MDGA2: variants seen among roughly 807,000 people sequenced by gnomAD.
MDGA2 encodes the protein MAM domain-containing glycosylphosphatidylinositol anchor protein 2.
Under a neutral mutation model 117.8 loss-of-function variants are expected in MDGA2, and 40 were observed. That is an observed-to-expected ratio of 0.34 (90% confidence interval 0.26 to 0.44). The LOEUF (loss-of-function observed/expected upper bound fraction) is 0.44. MDGA2 is among the 20% of genes least tolerant of loss of function. MDGA2 has a pLI of 1.00. For missense variants in MDGA2, 1,123 were observed against 1,250.6 expected (o/e 0.90, Z 1.54); for synonymous variants, 452 against 439.0 (o/e 1.03, Z -0.37).
At chr14:47,177,490 T>C (rs990621897) in intron 3 of MDGA2, among the ~76,000 whole-genome samples, 1 of 152,210 alleles carries the variant, frequency 6.6e-6, no homozygotes, top group Admixed American at 6.5e-5. Context: ...GATGAGTTCA[T>C]GTCCTTTGTA....
At chr14:47,660,527 G>A (rs1594968373) in intron 1 of MDGA2, among the ~76,000 whole-genome samples, 1 of 152,184 alleles carries the variant, frequency 6.6e-6, no homozygotes, top group Admixed American at 6.5e-5. Flanking sequence ...TAAGAGAAGG[G>A]CAGAGCTCGC....
At chr14:47,083,328 G>A (rs1890775371) in intron 6 of MDGA2, among the ~76,000 whole-genome samples, 1 of 151,824 alleles carries the variant, frequency 6.6e-6, no homozygotes. Context: ...ATACAGCTAG[G>A]GCCTAGGGGG....
chr14:47,037,182 G>A (rs1316832443), intron 7 of MDGA2, among the ~76,000 whole-genome samples: 2 of 152,156 alleles, frequency 1.3e-5, no homozygotes, highest in East Asian at 1.9e-4. Context: ...CACCCTCCAT[G>A]GGAAAGGGTG....
chr14:47,397,634 T>A (rs192699565), intron 1 of MDGA2, among the ~76,000 whole-genome samples: 1 of 152,252 alleles, frequency 6.6e-6, no homozygotes, highest in East Asian at 1.9e-4. Context: ...TCTTTATAGA[T>A]CAATAGATAA....
intron 1 of MDGA2, among the ~76,000 whole-genome samples, chr14:47,383,479 G>C: frequency 6.6e-6 from 1 of 152,114 alleles, no homozygotes; most frequent in East Asian, 1.9e-4. Flanking sequence ...ATAAAATTCT[G>C]TGTGGAAAGT....
chr14:47,359,369 G>A (rs61993125), intron 1 of MDGA2, among the ~76,000 whole-genome samples: 15,486 of 151,202 alleles, frequency 0.1, 919 homozygotes, highest in Middle Eastern at 0.15. Flanking sequence ...AAACAAACAA[G>A]CAAACAAACA....
At chr14:47,353,214 T>A (rs1460306643) in intron 1 of MDGA2, among the ~76,000 whole-genome samples, 1 of 152,270 alleles carries the variant, frequency 6.6e-6, no homozygotes, top group Non-Finnish European at 1.5e-5. Flanking sequence ...ATCTTAAATC[T>A]CCACCCAGGG....
intron 14 of MDGA2, among the ~76,000 whole-genome samples, chr14:46,872,489 G>A (rs539283214): frequency 6.6e-6 from 1 of 151,896 alleles, no homozygotes; most frequent in African/African-American, 2.4e-5. Flanking sequence ...CAAGCTCTAT[G>A]GGGTTAGATA....
At chr14:46,986,574 T>C (rs777746565) in intron 8 of MDGA2, among the ~76,000 whole-genome samples, 1 of 152,128 alleles carries the variant, frequency 6.6e-6, no homozygotes, top group Non-Finnish European at 1.5e-5. Flanking sequence ...TTAACTCTGC[T>C]GGATTCCAGA....
At chr14:47,301,280 C>T in intron 2 of MDGA2, 131 bp downstream of exon 2, 1 of 872,864 alleles carries the variant, frequency 1.1e-6, no homozygotes, top group South Asian at 1.8e-5. Context: ...TACACACACA[C>T]ACACCCACAC....
At chr14:47,646,242 T>G (rs1897532204) in intron 1 of MDGA2, among the ~76,000 whole-genome samples, 1 of 152,056 alleles carries the variant, frequency 6.6e-6, no homozygotes, top group African/African-American at 2.4e-5. Flanking sequence ...CTAGGATAGA[T>G]TACCAAACTA....
At chr14:47,462,947 T>C (rs1240390043) in intron 1 of MDGA2, among the ~76,000 whole-genome samples, 1 of 152,232 alleles carries the variant, frequency 6.6e-6, no homozygotes, top group Admixed American at 6.5e-5. Flanking sequence ...GACATTTATG[T>C]ATCATTGTGG....
intron 1 of MDGA2, among the ~76,000 whole-genome samples, chr14:47,454,077 T>C (rs1371556605): frequency 6.6e-6 from 1 of 152,240 alleles, no homozygotes; most frequent in East Asian, 1.9e-4. Context: ...ATAGATTATG[T>C]ACTCCCTCTG....
At chr14:47,582,207 T>A (rs1896241414) in intron 1 of MDGA2, among the ~76,000 whole-genome samples, 1 of 151,816 alleles carries the variant, frequency 6.6e-6, no homozygotes, top group Non-Finnish European at 1.5e-5. Flanking sequence ...CTTAAAGGTC[T>A]AAGTAGGATA....
intron 1 of MDGA2, among the ~76,000 whole-genome samples, chr14:47,560,026 A>G (rs1055803314): frequency 6.6e-6 from 1 of 151,976 alleles, no homozygotes; most frequent in Non-Finnish European, 1.5e-5. Flanking sequence ...ACAGTGAATA[A>G]GTGTTCCCTT....
chr14:47,458,936 T>C (rs1893421667), intron 1 of MDGA2, among the ~76,000 whole-genome samples: 1 of 150,390 alleles, frequency 6.6e-6, no homozygotes, highest in African/African-American at 2.5e-5. Context: ...GAAATTTATC[T>C]AGTATGGTTC....
At chr14:46,957,791 A>C (rs1885623050) in intron 8 of MDGA2, 148 bp from the exon 9 acceptor site, 2 of 874,040 alleles carry the variant, frequency 2.3e-6, no homozygotes, top group Admixed American at 2.8e-5. Flanking sequence ...TAAGCCCAGA[A>C]ATTTTAGCTT....
chr14:47,470,499 T>C (rs1893702550), intron 1 of MDGA2, among the ~76,000 whole-genome samples: 1 of 152,220 alleles, frequency 6.6e-6, no homozygotes, highest in African/African-American at 2.4e-5. Flanking sequence ...CCACATTTTC[T>C]TAATCCAGTC....
rs147627812 is a variant in MDGA2, at chr14:47,028,842, C to A, written c.1819+6169G>T. ...TACTGAGCTGAAAGTCATTATTACC[C>A]TCCTAATAAATTAAAAATTCATTCA... On this transcript the variant is annotated intron_variant, in intron 8 of 16. Transcript: ENST00000399232. Among the ~76,000 whole-genome samples, 1,202 of 152,258 alleles carry A rather than the reference C, an allele frequency of 7.9e-3. 7 individuals carry two copies. Among genetic ancestry groups the A allele is most frequent in the Middle Eastern group, 0.031 (9 of 294 alleles).
Sources: allele counts gnomAD v4.1 joint callset (sites outside exome capture counted in the v4.1 genomes callset), GRCh38; gene constraint gnomAD v4.1.1; transcripts MANE v1.5; gene names NCBI Gene and HGNC (gene_info 2026-07-23, HGNC 2026-07-21).